Variants in AATK observed in about 807,000 individuals in gnomAD.
AATK encodes the protein lemur tail kinase 1.
AATK carries 91 observed loss-of-function variants against 114.3 expected under a neutral mutation model. That is an observed-to-expected ratio of 0.80 (90% CI 0.67 to 0.95). The LOEUF is 0.95. Ranked by LOEUF, AATK falls within the 40% of genes least tolerant of loss-of-function variation. AATK has a pLI of 0.00. For missense variants in AATK, 2,176 were observed against 1,965.2 expected, an observed-to-expected ratio of 1.11 and a Z score of -2.03; for synonymous variants, 1,075 against 916.5, an observed-to-expected ratio of 1.17 and a Z score of -3.12.
At chr17:81,143,543 TGTC>T in intron 1 of AATK, among the ~76,000 whole-genome samples, 3 of 81,470 alleles carry the variant, frequency 3.7e-5, no homozygotes, top group Non-Finnish European at 5.1e-5. Context: ...CCACCCCCCG[TGTC>T]CACGCAGCCC....
chr17:81,132,737 C>T, intron 2 of AATK: 1 of 269,086 alleles, frequency 3.7e-6, no homozygotes, highest in Non-Finnish European at 7.8e-6. Context: ...GCCTGCCCAG[C>T]CCCTTCCCTC....
At chr17:81,165,721 G>T in intron 1 of AATK, 1 of 1,523,010 alleles carries the variant, frequency 6.6e-7, no homozygotes, top group Non-Finnish European at 8.8e-7. Flanking sequence ...GACCACGCGG[G>T]GGACGCCAGC....
Position 81,122,047 on chromosome 17 carries a change from C to T in AATK, c.1889G>A (p.Gly630Asp), listed in dbSNP as rs763550537. 3 of 1,597,094 alleles carry T rather than the reference C, an allele frequency of 1.9e-6. No individual in the cohort carries two copies. The highest frequency in any genetic ancestry group is 3.3e-5 in the Admixed American group (2 of 59,790). Residue 630 changes from glycine (G) to aspartate (D), a missense_variant, in exon 11 of 14, where the codon GGC becomes GAC. By Grantham distance (94) the Gly-to-Asp change is moderately conservative (BLOSUM62 -1). This residue lies in a region of AATK where 1,701 missense variants were observed against 1,394.7 expected (regional missense o/e 1.22). Transcript: ENST00000326724. ...GAAGGCAGGACAGAAGGCGGCCACGCCCCAGTCTGCATCCTCCGCTCCTCC... is the reference window on the plus strand; with the variant it reads ...GAAGGCAGGACAGAAGGCGGCCACGTCCCAGTCTGCATCCTCCGCTCCTCC... ...AEGGAEDADW[G>D]VAAFCPAFFE...
At chr17:81,139,412 C>T (rs1450037019) in intron 1 of AATK, among the ~76,000 whole-genome samples, 1 of 152,224 alleles carries the variant, frequency 6.6e-6, no homozygotes, top group Non-Finnish European at 1.5e-5. Flanking sequence ...AGCCCAGAAA[C>T]CCGTGCCCAG....
chr17:81,140,213 C>T (rs1175151210), intron 1 of AATK, among the ~76,000 whole-genome samples: 4 of 152,172 alleles, frequency 2.6e-5, no homozygotes, highest in African/African-American at 9.7e-5. Flanking sequence ...GTTCCTGCTG[C>T]GTCTCCTGGT....
In AATK at chr17:81,122,443, C is replaced by T. The variant is rs925375447; in HGVS notation, c.1493G>A (p.Arg498His). ...EAFPATLSPG[R>H]TARLQELCAP... is the part of the protein sequence containing the mutation. ...GCACAGCTCCTGCAGGCGTGCGGTG[C>T]GGCCAGGGCTCAGCGTGGCCGGGAA... is the stretch of plus-strand genomic sequence containing the variant. The change falls in exon 11 of 14, where the codon CGC becomes CAC. Residue 498 changes from arginine (R) to histidine (H), a missense_variant. Around this residue, in one of 4 missense-constraint regions of AATK, gnomAD observed 1,701 missense variants for 1,394.7 expected, o/e 1.22. Transcript: ENST00000326724. 4.2e-6 allele frequency: 6 copies of T among 1,443,658 alleles called. No individual in the cohort carries two copies. In the African/African-American group the frequency reaches 4.5e-5, roughly 11 times the overall value. The allele number at this position is 1,443,658 out of a possible 1,614,324, so 89.4% of individuals were successfully genotyped here.
At chr17:81,138,088 A>G (rs1463498231) in intron 1 of AATK, among the ~76,000 whole-genome samples, 3 of 150,146 alleles carry the variant, frequency 2.0e-5, no homozygotes, top group African/African-American at 4.9e-5. Flanking sequence ...ACCTGTGTGC[A>G]CACACGCGGA....
intron 1 of AATK, among the ~76,000 whole-genome samples, chr17:81,147,008 T>G (rs1428079629): frequency 9.3e-6 from 1 of 108,036 alleles, no homozygotes; most frequent in African/African-American, 3.7e-5. Context: ...AATGAGAAAG[T>G]GAACGCCGCA....
Position 81,121,881 on chromosome 17 carries a change from G to A in AATK, c.2055C>T (p.Asn685=). The change falls in exon 11 of 14, where the codon AAC becomes AAT. Residue 685 remains asparagine, a synonymous_variant. Coordinates refer to ENST00000326724, the MANE Select transcript of AATK (RefSeq NM_001080395.3). The stretch of plus-strand genomic sequence containing the variant: ...CTGGACAGCGGCTGCCGCTGTTGTT[G>A]TTGGCTGACACGTTGGAGCGCCAGT... The part of the protein sequence containing the change: ...RGHWRSNVSA[N]NNSGSRCPES... 1 of 1,600,012 alleles carries A rather than the reference G, an allele frequency of 6.2e-7. No individual in the cohort carries two copies. Among genetic ancestry groups the A allele is most frequent in the South Asian group, 1.1e-5 (1 of 90,928 alleles).
intron 3 of AATK, among the ~76,000 whole-genome samples, chr17:81,129,527 G>A (rs965180206): frequency 2.8e-4 from 42 of 152,176 alleles, no homozygotes; most frequent in Non-Finnish European, 5.1e-4. Flanking sequence ...GACCTCTGGG[G>A]CTACTTTTCT....
At chr17:81,133,308 G>A in intron 2 of AATK, 1 of 440,820 alleles carries the variant, frequency 2.3e-6, no homozygotes, top group Non-Finnish European at 4.6e-6. Flanking sequence ...CAGCGGGACA[G>A]GTGGGCAGAG....
At chr17:81,132,354 G>A (rs562752267) in intron 2 of AATK, among the ~76,000 whole-genome samples, 1 of 152,188 alleles carries the variant, frequency 6.6e-6, no homozygotes, top group Admixed American at 6.5e-5. Flanking sequence ...CAAGTACGAC[G>A]TGTGACCCTG....
At chr17:81,131,825 C>A in intron 2 of AATK, 7 of 1,293,018 alleles carry the variant, frequency 5.4e-6, no homozygotes, top group Non-Finnish European at 7.1e-6. Context: ...GTGCCCCCAC[C>A]CCTGCCGGGA....
intron 1 of AATK, among the ~76,000 whole-genome samples, chr17:81,138,833 CA>C (rs535661511): frequency 0.03 from 4,527 of 151,938 alleles, 78 homozygotes; most frequent in South Asian, 0.052. Flanking sequence ...TGAGCGCACA[CA>C]CACCCCCACG....
At chr17:81,133,634 G>A (rs1466691784) in intron 2 of AATK, among the ~76,000 whole-genome samples, 1 of 152,204 alleles carries the variant, frequency 6.6e-6, no homozygotes, top group African/African-American at 2.4e-5. Context: ...ACTCTGGGAG[G>A]GGGAGGCGAT....
At chr17:81,151,697 T>C (rs141161149) in intron 1 of AATK, among the ~76,000 whole-genome samples, 75 of 152,294 alleles carry the variant, frequency 4.9e-4, no homozygotes, top group Middle Eastern at 3.4e-3. Context: ...ATCCAGAATA[T>C]GCTGAAATCC....
In AATK at chr17:81,121,679, C is replaced by T; in HGVS notation, c.2257G>A (p.Gly753Ser). The T allele has an allele frequency of 6.7e-7, 1 of 1,500,846 alleles. No individual in the cohort carries two copies. The highest frequency in any genetic ancestry group is 1.4e-5 in the African/African-American group (1 of 72,032). The allele number at this position is 1,500,846 out of a possible 1,614,324, so 93.0% of individuals were successfully genotyped here. Residue 753 changes from glycine to serine, a missense_variant, in exon 11 of 14, where the codon GGC becomes AGC. Physicochemically the swap from Gly to Ser is moderately conservative, Grantham distance 56. Transcript: ENST00000326724. ...PGLPHLCSAQGLAPAPCLVTP... is the reference protein window; with the variant it reads ...PGLPHLCSAQSLAPAPCLVTP... ...ACCAGGCAGGGAGCAGGTGCCAGGC[C>T]CTGGGCAGAGCATAGATGAGGGAGG...
At chr17:81,134,138 C>T (rs1188586841) in intron 2 of AATK, among the ~76,000 whole-genome samples, 9 of 152,190 alleles carry the variant, frequency 5.9e-5, no homozygotes, top group Admixed American at 4.6e-4. Context: ...CGTCAGACCA[C>T]GCCCCCCACA....
At chr17:81,120,145 T>C in intron 11 of AATK, 56 bp downstream of exon 11, 2 of 1,512,706 alleles carry the variant, frequency 1.3e-6, no homozygotes, top group Middle Eastern at 1.8e-4. Flanking sequence ...CTCCCACCCC[T>C]TCCTGCGGGA....
Sources: allele counts gnomAD v4.1 joint callset (sites outside exome capture counted in the v4.1 genomes callset), GRCh38; gene constraint gnomAD v4.1.1; regional missense constraint gnomAD v4.1.1; transcripts MANE v1.5; gene names NCBI Gene and HGNC (gene_info 2026-07-23, HGNC 2026-07-21).